Variants in ADGRD1 observed in about 807,000 individuals in gnomAD.
ADGRD1 encodes adhesion G protein-coupled receptor D1.
Under a neutral mutation model 113.4 loss-of-function variants are expected in ADGRD1, and 77 were observed. The ratio of observed to expected loss-of-function variants is 0.68; its 90% CI spans 0.57 to 0.82. The LOEUF (loss-of-function observed/expected upper bound fraction) is 0.82, where lower values mean the gene tolerates loss of function less well. Among genes scored for constraint, ADGRD1 ranks in the 40% least tolerant of loss-of-function variants. The pLI is 0.00. For missense variants in ADGRD1, 1,036 were observed against 1,139.1 expected, an observed-to-expected ratio of 0.91 and a Z score of 1.30; for synonymous variants, 474 against 475.0, an observed-to-expected ratio of 1.00 and a Z score of 0.03.
chr12:131,054,272 C>CCCTCCCTGTTCCTTCCCA (rs1409061321), intron 13 of ADGRD1, among the ~76,000 whole-genome samples: 1 of 152,204 alleles, frequency 6.6e-6, no homozygotes, highest in African/African-American at 2.4e-5. Context: ...AATCCCTGTC[C>CCCTCCCTGTTCCTTCCCA]CCTCCCTGTT....
intron 21 of ADGRD1, among the ~76,000 whole-genome samples, chr12:131,133,060 A>C (rs1026321498): frequency 6.6e-6 from 1 of 152,146 alleles, no homozygotes; most frequent in African/African-American, 2.4e-5. Context: ...CCGTGCGAGA[A>C]GAGATGCTCG....
chr12:131,116,924 G>C (rs567004009), intron 18 of ADGRD1, among the ~76,000 whole-genome samples: 10 of 152,214 alleles, frequency 6.6e-5, no homozygotes, highest in Non-Finnish European at 1.0e-4. Flanking sequence ...ATTCCCATTC[G>C]TGCAGGATCT....
intron 2 of ADGRD1, among the ~76,000 whole-genome samples, chr12:130,955,540 A>T (rs2136451286): frequency 6.6e-6 from 1 of 152,310 alleles, no homozygotes; most frequent in African/African-American, 2.4e-5. Flanking sequence ...CTGGTCAGCC[A>T]GGGGCAGGGA....
chr12:130,959,937 C>A (rs1384609249), intron 2 of ADGRD1, among the ~76,000 whole-genome samples: 1 of 152,110 alleles, frequency 6.6e-6, no homozygotes, highest in Non-Finnish European at 1.5e-5. Flanking sequence ...ACAGGGAAGC[C>A]AGGAGGTAGG....
intron 2 of ADGRD1, among the ~76,000 whole-genome samples, chr12:130,964,530 AC>A (rs1870788023): frequency 2.0e-5 from 3 of 152,164 alleles, no homozygotes; most frequent in African/African-American, 4.8e-5. Flanking sequence ...TACTAAAAAT[AC>A]AAAAATTGCC....
intron 14 of ADGRD1, among the ~76,000 whole-genome samples, chr12:131,080,894 ACAGGCGTG>A (rs1886019574): frequency 1.3e-5 from 2 of 151,912 alleles, no homozygotes; most frequent in Admixed American, 1.3e-4. Context: ...TGCTGGGATT[ACAGGCGTG>A]AGCCACTGCA....
chr12:131,007,977 G>A (rs376673746), intron 12 of ADGRD1, among the ~76,000 whole-genome samples: 14 of 152,310 alleles, frequency 9.2e-5, no homozygotes, highest in African/African-American at 2.6e-4. Context: ...AGAGGTGGAC[G>A]GAAGTGGAGG....
intron 9 of ADGRD1, chr12:131,002,417 C>T: frequency 1.5e-6 from 1 of 687,998 alleles, no homozygotes; most frequent in Non-Finnish European, 1.8e-6. Context: ...CCTCAGCATT[C>T]TATTTCCAGC....
At chr12:131,008,317 G>A (rs768089482) in intron 12 of ADGRD1, among the ~76,000 whole-genome samples, 9 of 152,228 alleles carry the variant, frequency 5.9e-5, no homozygotes, top group Admixed American at 2.0e-4. Context: ...CACATATGCC[G>A]GGTTCCTGCC....
At chr12:131,025,303 G>A (rs1879817272) in intron 13 of ADGRD1, among the ~76,000 whole-genome samples, 1 of 152,142 alleles carries the variant, frequency 6.6e-6, no homozygotes, top group Non-Finnish European at 1.5e-5. Flanking sequence ...TCTTTTGAAG[G>A]TTGCTTTTAT....
chr12:131,078,448 C>G (rs1313127010), intron 14 of ADGRD1, among the ~76,000 whole-genome samples: 1 of 152,216 alleles, frequency 6.6e-6, no homozygotes, highest in Non-Finnish European at 1.5e-5. Context: ...CAGGTTGCAG[C>G]TCTTTTTCCT....
chr12:131,011,155 TCCCCACCCTGCCCCACCTCACCCCTG>T (rs1566026908), intron 12 of ADGRD1, among the ~76,000 whole-genome samples: 11 of 55,112 alleles, frequency 2.0e-4, no homozygotes, highest in Non-Finnish European at 3.5e-4. Flanking sequence ...CCTCACCCCT[TCCCCACCCTGCCCCACCTCACCCCTG>T]CCCCACCCTT....
At chr12:131,106,004 G>A (rs376447335) in intron 17 of ADGRD1, 139 bp downstream of exon 17, 85 of 663,090 alleles carry the variant, frequency 1.3e-4, no homozygotes, top group African/African-American at 5.6e-4. Context: ...TGGTTTTCTC[G>A]GGGGAAGCAG....
At chr12:131,043,634 G>A (rs563812740) in intron 13 of ADGRD1, among the ~76,000 whole-genome samples, 1 of 152,382 alleles carries the variant, frequency 6.6e-6, no homozygotes, top group Non-Finnish European at 1.5e-5. Context: ...GCACTGGACA[G>A]AGGAAGACGC....
rs751085410 is a variant in ADGRD1, at chr12:130,954,514, T to C, written c.49T>C (p.Phe17Leu). Residue 17 changes from phenylalanine (F) to leucine (L), a missense_variant, in exon 1 of 25, where the codon TTT (phenylalanine) becomes CTT (leucine). Coordinates refer to ENST00000261654, the MANE Select transcript of ADGRD1 (RefSeq NM_198827.5). The surrounding 1 kb of genome is among the most constrained non-coding windows in gnomAD (Gnocchi z 4.7). ...CTGCTGGTACTCCTGGCTGCTGCTA[T>C]TTTATTACAACTTTCAGGTAATGTC... is the stretch of plus-strand genomic sequence containing the variant. ...LCCWYSWLLL[F>L]YYNFQVRGVY... 1.3e-5 allele frequency: 21 copies of C among 1,602,414 alleles called. No individual in the cohort carries two copies. In the Admixed American group the frequency reaches 1.9e-4, roughly 14 times the overall value.
At chr12:131,070,867 G>T (rs1244474260) in intron 13 of ADGRD1, 2 of 518,958 alleles carry the variant, frequency 3.9e-6, no homozygotes, top group African/African-American at 3.8e-5. Context: ...TGGAGTGTCT[G>T]CACGGGACGT....
intron 13 of ADGRD1, among the ~76,000 whole-genome samples, chr12:131,033,964 G>A (rs1003040395): frequency 2.0e-5 from 3 of 152,126 alleles, no homozygotes; most frequent in Non-Finnish European, 2.9e-5. Context: ...TCCACCTGCA[G>A]CTCACGTCCG....
At chr12:131,034,217 C>T (rs1013038211) in intron 13 of ADGRD1, among the ~76,000 whole-genome samples, 20 of 152,230 alleles carry the variant, frequency 1.3e-4, no homozygotes, top group Admixed American at 6.5e-4. Context: ...GGCCACTCCC[C>T]GCCCATTCCA....
At position 131,108,877 on chromosome 12, in the gene ADGRD1, G is replaced by T. The variant is rs750891285; in HGVS notation, c.2041G>T (p.Gly681Cys). Residue 681 changes from glycine to cysteine, a missense_variant and splice_region_variant, in exon 18 of 25, where the codon GGT (glycine) becomes TGT (cysteine). By Grantham distance (159) the Gly-to-Cys change is radical. Transcript: ENST00000261654. ...CCGTTACTACTATGGGATGGGATGG[G>T]GTAGGTGGGGCAGGGCAGGTGGGAT... ...KHRYYYGMGW[G>C]FPLLICIISL... 1 of 1,602,604 alleles carries T rather than the reference G, an allele frequency of 6.2e-7. No homozygotes were observed. The highest frequency in any genetic ancestry group is 8.5e-7 in the Non-Finnish European group (1 of 1,171,716).
Sources: allele counts gnomAD v4.1 joint callset (sites outside exome capture counted in the v4.1 genomes callset), GRCh38; gene constraint gnomAD v4.1.1; non-coding constraint Gnocchi (gnomAD v3.1); transcripts MANE v1.5; gene names NCBI Gene and HGNC (gene_info 2026-07-23, HGNC 2026-07-21).